GRM8: variants seen among roughly 807,000 people sequenced by gnomAD.
The protein encoded by GRM8 is metabotropic glutamate receptor 8.
Under a neutral mutation model 87.2 loss-of-function variants are expected in GRM8, and 47 were observed. The observed-to-expected ratio is 0.54, with a 90% CI of 0.43 to 0.69. The LOEUF (loss-of-function observed/expected upper bound fraction) is 0.69, where lower values mean the gene tolerates loss of function less well. Ranked by LOEUF, GRM8 falls within the 30% of genes least tolerant of loss-of-function variation. The pLI is 0.00. For synonymous variants in GRM8, 396 were observed against 404.5 expected, an observed-to-expected ratio of 0.98 and a Z score of 0.25; for missense variants, 1,019 against 1,139.2, an observed-to-expected ratio of 0.89 and a Z score of 1.52.
rs543128086 is a variant in GRM8 at position 126,916,531 on chromosome 7, T to C, written c.728-11848A>G. 2.4e-4 allele frequency among the ~76,000 whole-genome samples: 36 copies of C among 152,358 alleles called. No homozygotes were observed. In the South Asian group the frequency reaches 3.7e-3, roughly 16 times the overall value. On this transcript the variant is annotated intron_variant, in intron 3 of 10. Coordinates refer to ENST00000339582, the MANE Select transcript of GRM8 (RefSeq NM_000845.3). ...TGCAGATAGGACATTCTCAACAGTATATCAACAGCAGCTATGAGAGCTTAT... is the reference window on the plus strand; with the variant it reads ...TGCAGATAGGACATTCTCAACAGTACATCAACAGCAGCTATGAGAGCTTAT...
intron 6 of GRM8, among the ~76,000 whole-genome samples, chr7:126,798,012 A>G (rs1822164819): frequency 6.6e-6 from 1 of 152,154 alleles, no homozygotes; most frequent in Non-Finnish European, 1.5e-5. Flanking sequence ...AAACTGCAAG[A>G]AGAGAACGCC....
chr7:126,874,044 GT>G (rs1249548016), intron 6 of GRM8, among the ~76,000 whole-genome samples: 1 of 152,008 alleles, frequency 6.6e-6, no homozygotes, highest in African/African-American at 2.4e-5. Context: ...TTCTGAAGAA[GT>G]GTTAGTCACT....
At chr7:126,568,477 T>C (rs926916266) in intron 8 of GRM8, among the ~76,000 whole-genome samples, 1 of 152,242 alleles carries the variant, frequency 6.6e-6, no homozygotes, top group Non-Finnish European at 1.5e-5. Context: ...GTTACATTTC[T>C]CCAAGAAAAC....
chr7:126,479,039 C>T (rs767191507), intron 9 of GRM8, among the ~76,000 whole-genome samples: 5 of 152,132 alleles, frequency 3.3e-5, no homozygotes, highest in East Asian at 1.9e-4. Context: ...CTACATCAAT[C>T]ATGATATTAA....
chr7:127,022,329 T>C (rs1318731316), intron 3 of GRM8, among the ~76,000 whole-genome samples: 1 of 152,110 alleles, frequency 6.6e-6, no homozygotes, highest in Non-Finnish European at 1.5e-5. Context: ...GTCCAAAATT[T>C]AATTCATTTA....
intron 2 of GRM8, among the ~76,000 whole-genome samples, chr7:127,116,483 T>C (rs764594773): frequency 6.6e-6 from 1 of 152,038 alleles, no homozygotes; most frequent in Non-Finnish European, 1.5e-5. Flanking sequence ...TATGACCAAA[T>C]GGAAAAAGCA....
intron 7 of GRM8, among the ~76,000 whole-genome samples, chr7:126,723,437 T>C (rs1379912122): frequency 6.6e-6 from 1 of 151,800 alleles, no homozygotes; most frequent in Non-Finnish European, 1.5e-5. Flanking sequence ...CAAACTGATC[T>C]GGAATAAAGA....
chr7:126,545,125 C>G (rs1048566373), intron 8 of GRM8, among the ~76,000 whole-genome samples: 10 of 152,192 alleles, frequency 6.6e-5, no homozygotes, highest in Non-Finnish European at 1.0e-4. Flanking sequence ...GCCTTCTCCC[C>G]TTAACTCTGA....
At chr7:126,810,688 C>A (rs976420783) in intron 6 of GRM8, among the ~76,000 whole-genome samples, 1 of 152,116 alleles carries the variant, frequency 6.6e-6, no homozygotes, top group African/African-American at 2.4e-5. Flanking sequence ...CTCCCACTCT[C>A]CTGCTCCTAC....
chr7:126,905,014 C>A (rs1288972423), intron 3 of GRM8, among the ~76,000 whole-genome samples: 1 of 152,122 alleles, frequency 6.6e-6, no homozygotes, highest in Admixed American at 6.6e-5. Flanking sequence ...CAACATAAGC[C>A]AAAGGACAAG....
At chr7:126,941,100 G>T (rs1055357561) in intron 3 of GRM8, among the ~76,000 whole-genome samples, 1 of 152,162 alleles carries the variant, frequency 6.6e-6, no homozygotes, top group Non-Finnish European at 1.5e-5. Context: ...TGACTCATTA[G>T]TCATGAGCAT....
intron 5 of GRM8, 88 bp from the exon 6 acceptor site, chr7:126,902,767 C>T (rs971200500): frequency 2.2e-6 from 2 of 892,046 alleles, no homozygotes; most frequent in African/African-American, 3.4e-5. Flanking sequence ...ATTCTGATCA[C>T]TGCATGAAAA....
intron 2 of GRM8, among the ~76,000 whole-genome samples, chr7:127,117,392 T>C (rs1043825814): frequency 2.6e-5 from 4 of 152,228 alleles, no homozygotes; most frequent in Admixed American, 2.6e-4. Context: ...TGAGGCAGCA[T>C]CCCAGGGAGA....
At chr7:126,589,110 T>C (rs1326261415) in intron 8 of GRM8, among the ~76,000 whole-genome samples, 1 of 152,080 alleles carries the variant, frequency 6.6e-6, no homozygotes, top group Non-Finnish European at 1.5e-5. Flanking sequence ...ACATGCAAAA[T>C]TTCTTGGACA....
intron 7 of GRM8, among the ~76,000 whole-genome samples, chr7:126,653,319 C>T: frequency 1.0e-5 from 1 of 95,984 alleles, no homozygotes; most frequent in Non-Finnish European, 2.5e-5. Context: ...AAAAAAAAGG[C>T]AAGGAGAGGG....
intron 9 of GRM8, among the ~76,000 whole-genome samples, chr7:126,467,798 T>C (rs769830787): frequency 6.6e-6 from 1 of 152,036 alleles, no homozygotes; most frequent in South Asian, 2.1e-4. Context: ...TTCCATTGCA[T>C]ACAAATATTC....
At chr7:127,086,112 G>GTTTTT (rs746267405) in intron 3 of GRM8, among the ~76,000 whole-genome samples, 1 of 152,124 alleles carries the variant, frequency 6.6e-6, no homozygotes, top group Non-Finnish European at 1.5e-5. Context: ...GTTTTGTTTT[G>GTTTTT]TTTTTTGAGA....
At chr7:126,766,358 A>T (rs1269536624) in intron 7 of GRM8, among the ~76,000 whole-genome samples, 1 of 152,164 alleles carries the variant, frequency 6.6e-6, no homozygotes, top group African/African-American at 2.4e-5. Context: ...CAAACTAAAA[A>T]GGAGCATACA....
chr7:126,468,655 C>T (rs1016571911), intron 9 of GRM8, among the ~76,000 whole-genome samples: 5 of 152,034 alleles, frequency 3.3e-5, no homozygotes, highest in African/African-American at 1.2e-4. Context: ...TTGTTCCTTT[C>T]TCCTGCCATT....
Sources: gnomAD v4.1 joint callset for allele counts (sites outside exome capture counted in the v4.1 genomes callset) on GRCh38, gnomAD v4.1.1 for gene constraint, MANE v1.5 for transcripts, NCBI Gene and HGNC (gene_info 2026-07-23, HGNC 2026-07-21) for gene names.